The following NR2E1 variants were observed in gnomAD, a reference collection of about 807,000 sequenced individuals.
NR2E1 encodes the protein nuclear receptor TLX.
NR2E1 carries 5 observed loss-of-function variants against 43.6 expected under a neutral mutation model. The observed-to-expected ratio is 0.11, with a 90% CI of 0.06 to 0.24. The LOEUF is 0.24. Among genes scored for constraint, NR2E1 ranks in the 10% least tolerant of loss-of-function variants. The pLI, the probability that NR2E1 is intolerant of heterozygous loss-of-function variation, is 1.00. For missense variants in NR2E1, 287 were observed against 496.7 expected (o/e 0.58, Z 4.01); for synonymous variants, 191 against 195.5 (o/e 0.98, Z 0.19).
At chr6:108,183,836 T>C (rs1651090787) in intron 8 of NR2E1, among the ~76,000 whole-genome samples, 1 of 152,198 alleles carries the variant, frequency 6.6e-6, no homozygotes, top group Non-Finnish European at 1.5e-5. Flanking sequence ...AGAATATATA[T>C]AGTAGGCAGT....
chr6:108,168,169 C>T, intron 1 of NR2E1: 1 of 1,575,384 alleles, frequency 6.3e-7, no homozygotes, highest in Non-Finnish European at 8.6e-7. Flanking sequence ...GGAGGTAAAG[C>T]GACCTCGATT....
Position 108,180,722 on chromosome 6 carries a change from T to C in NR2E1, c.740-85T>C, listed in dbSNP as rs961610493. The stretch of plus-strand genomic sequence containing the variant: ...CTTAGAGTGACAATTGAATAGATAT[T>C]GATATGCAGGATTTTGTCAAAAATC... On this transcript the variant is annotated intron_variant, in intron 6 of 8. Transcript: ENST00000368986. This position sits in a 1 kb window ranked among gnomAD's most constrained non-coding sequence, Gnocchi z 5.4. 2.4e-6 allele frequency: 3 copies of C among 1,247,778 alleles called. No individual in the cohort carries two copies. In the Admixed American group the frequency reaches 5.2e-5, roughly 22 times the overall value. The allele number at this position is 1,247,778 out of a possible 1,614,324, so 77.3% of individuals were successfully genotyped here. A position where few individuals can be genotyped will look rare whatever the true frequency, so the allele number is the denominator to read the frequency against.
Position 108,187,727 on chromosome 6 carries a change from C to T in NR2E1, c.*264C>T. On this transcript the variant is annotated 3_prime_UTR_variant, in exon 9 of 9. Transcript: ENST00000368986. ...CTGCCATGCCCTGGGAGGGGGCAAACTGGGGGTTGCCACAGGCCGTGCCAT... is the reference window on the plus strand; with the variant it reads ...CTGCCATGCCCTGGGAGGGGGCAAATTGGGGGTTGCCACAGGCCGTGCCAT... 2.2e-6 allele frequency: 1 copy of T among 462,378 alleles called. No homozygotes were observed. The highest frequency in any genetic ancestry group is 6.4e-4 in the Middle Eastern group (1 of 1,564). The allele number at this position is 462,378 out of a possible 1,614,324, so 28.6% of individuals were successfully genotyped here.
chr6:108,180,418 T>C lies in NR2E1; in HGVS notation c.738T>C (p.Ser246=). 6.3e-7 allele frequency: 1 copy of C among 1,584,936 alleles called. No individual in the cohort carries two copies. The highest frequency in any genetic ancestry group is 8.7e-7 in the Non-Finnish European group (1 of 1,153,506). The change falls in exon 6 of 9, where the codon TCT becomes TCC. Residue 246 remains serine, a splice_region_variant and synonymous_variant. Transcript: ENST00000368986. The surrounding 1 kb of genome is among the most constrained non-coding windows in gnomAD (Gnocchi z 5.4). ...PVDANTLLAV[S]GMNGDNTDSQ... ...ATGCTAACACTCTACTGGCTGTATC[T>C]GGTAAGAATTGCACAATTTAATGAC...
At position 108,174,189 on chromosome 6, in the gene NR2E1, G is replaced by A. The variant is rs188062354; in HGVS notation, c.172-647G>A. Among the ~76,000 whole-genome samples the A allele has an allele frequency of 1.5e-3, 236 of 152,302 alleles. 1 individual carries two copies. Among genetic ancestry groups the A allele is most frequent in the Admixed American group, 0.014 (208 of 15,298 alleles). On this transcript the variant is annotated intron_variant, in intron 2 of 8. Coordinates refer to ENST00000368986, the MANE Select transcript of NR2E1 (RefSeq NM_003269.5). ...TTTCTATGCACCTGGGCCGAGGCTA[G>A]TCTTTAAGGCAACTCTCAACTTGCT...
rs1474209217 is a variant in NR2E1 at position 108,169,929 on chromosome 6, G to A, written c.26-1529G>A. On this transcript the variant is annotated intron_variant, in intron 1 of 8. Coordinates refer to ENST00000368986, the MANE Select transcript of NR2E1 (RefSeq NM_003269.5). The surrounding 1 kb of genome is among the most constrained non-coding windows in gnomAD (Gnocchi z 6.1). ...CGCGGGGTTGTAATTACCCGGCCGAGCCTGGTCGTTACCGAACACCCCCTC... is the reference window on the plus strand; with the variant it reads ...CGCGGGGTTGTAATTACCCGGCCGAACCTGGTCGTTACCGAACACCCCCTC... 2.0e-5 allele frequency among the ~76,000 whole-genome samples: 3 copies of A among 152,116 alleles called. No homozygotes were observed. The highest frequency in any genetic ancestry group is 4.4e-5 in the Non-Finnish European group (3 of 68,018).
chr6:108,171,284 A>G (rs1425354863), intron 1 of NR2E1, among the ~76,000 whole-genome samples, 174 bp from the exon 2 acceptor site: 1 of 152,192 alleles, frequency 6.6e-6, no homozygotes, highest in Non-Finnish European at 1.5e-5. Context: ...TCAAGGAAAA[A>G]AAGTTTGGGT....
chr6:108,183,669 CTCTATT>C (rs1420859052), intron 8 of NR2E1, among the ~76,000 whole-genome samples: 17 of 152,190 alleles, frequency 1.1e-4, no homozygotes, highest in Admixed American at 1.1e-3. Flanking sequence ...GCTAGAGTCT[CTCTATT>C]TCTATCGTAA....
chr6:108,178,328 TAAACC>T, intron 5 of NR2E1, 87 bp downstream of exon 5: 1 of 1,432,752 alleles, frequency 7.0e-7, no homozygotes, highest in Non-Finnish European at 9.8e-7. Context: ...TATCCCTGGG[TAAACC>T]ACCCAAGGCA....
Position 108,169,111 on chromosome 6 carries a change from C to G in NR2E1, c.25+2321C>G. On this transcript the variant is annotated intron_variant, in intron 1 of 8. Coordinates refer to ENST00000368986, the MANE Select transcript of NR2E1 (RefSeq NM_003269.5). The surrounding 1 kb of genome is among the most constrained non-coding windows in gnomAD (Gnocchi z 6.1). The stretch of plus-strand genomic sequence containing the variant: ...TTTGCAACGGGGTCAACCAGCTTGT[C>G]TCGTGACCCCAAGTCACCTTAACGT... Among the ~76,000 whole-genome samples, 1 of 152,232 alleles carries G rather than the reference C, an allele frequency of 6.6e-6. No homozygotes were observed. The highest frequency in any genetic ancestry group is 1.9e-4 in the East Asian group (1 of 5,182).
In NR2E1 at chr6:108,187,407, G is replaced by A. The variant is rs2114685175; in HGVS notation, c.1102G>A (p.Gly368Ser). Residue 368 changes from glycine (G) to serine (S), a missense_variant, in exon 9 of 9, where the codon GGC (glycine) becomes AGC (serine). Around this residue, in one of 4 missense-constraint regions of NR2E1, gnomAD observed 119 missense variants for 187.0 expected, o/e 0.64. Transcript: ENST00000368986. ...IEEVFFKKTI[G>S]NVPITRLLSD... ...AGAAGTGTTTTTCAAAAAAACCATC[G>A]GCAATGTGCCAATTACAAGACTGCT... The A allele has an allele frequency of 1.9e-6, 3 of 1,614,034 alleles. No individual in the cohort carries two copies. Among genetic ancestry groups the A allele is most frequent in the Non-Finnish European group, 8.5e-7 (1 of 1,180,012 alleles).
intron 8 of NR2E1, 129 bp downstream of exon 8, chr6:108,181,780 G>GTAAATTAGT: frequency 1.3e-6 from 1 of 753,334 alleles, no homozygotes; most frequent in Non-Finnish European, 2.3e-6. Flanking sequence ...AATTTAGGGA[G>GTAAATTAGT]AATCCATGTC....
At chr6:108,179,240 ATT>A (rs1316806049) in intron 5 of NR2E1, 1 of 152,212 alleles carries the variant, frequency 6.6e-6, no homozygotes, top group African/African-American at 2.4e-5. Context: ...AGAATTAAAT[ATT>A]GTTTACCTTG....
intron 8 of NR2E1, among the ~76,000 whole-genome samples, chr6:108,182,696 T>A (rs917502891): frequency 6.6e-6 from 1 of 151,594 alleles, no homozygotes; most frequent in Non-Finnish European, 1.5e-5. Flanking sequence ...GTAGCTGGGA[T>A]TACAGGTGCC....
intron 3 of NR2E1, 182 bp from the exon 4 acceptor site, chr6:108,176,321 T>C: frequency 3.2e-6 from 2 of 620,384 alleles, no homozygotes; most frequent in Non-Finnish European, 5.7e-6. Context: ...CTATTCAGTG[T>C]AGTGGTTAGA....
intron 2 of NR2E1, among the ~76,000 whole-genome samples, chr6:108,172,748 T>G (rs1475775433): frequency 2.0e-5 from 3 of 152,274 alleles, no homozygotes; most frequent in African/African-American, 7.2e-5. Flanking sequence ...TGAAGTCATG[T>G]CTGCTCATAT....
chr6:108,173,447 A>G, intron 2 of NR2E1, among the ~76,000 whole-genome samples: 1 of 152,250 alleles, frequency 6.6e-6, no homozygotes, highest in Non-Finnish European at 1.5e-5. Context: ...GGATTAAATT[A>G]TATTCCAATT....
At chr6:108,167,908 C>A in intron 1 of NR2E1, 1 of 1,046,126 alleles carries the variant, frequency 9.6e-7, no homozygotes, top group Admixed American at 2.7e-5. Flanking sequence ...AAGTGGGATG[C>A]AATTCCCGCC....
chr6:108,177,335 G>C (rs1222771793), intron 4 of NR2E1, among the ~76,000 whole-genome samples: 2 of 152,210 alleles, frequency 1.3e-5, no homozygotes, highest in East Asian at 1.9e-4. Flanking sequence ...TTTACAGCAG[G>C]GTTGATTCCA....
Sources: allele counts gnomAD v4.1 joint callset (sites outside exome capture counted in the v4.1 genomes callset), GRCh38; gene constraint gnomAD v4.1.1; regional missense constraint gnomAD v4.1.1; non-coding constraint Gnocchi (gnomAD v3.1); transcripts MANE v1.5; gene names NCBI Gene and HGNC (gene_info 2026-07-23, HGNC 2026-07-21).